SVEP1: variants seen among roughly 807,000 people sequenced by gnomAD.
The protein encoded by SVEP1 is sushi, von Willebrand factor type A, EGF and pentraxin domain-containing protein 1.
SVEP1 carries 164 observed loss-of-function variants against 367.3 expected under a neutral mutation model. The ratio of observed to expected loss-of-function variants is 0.45; its 90% CI spans 0.39 to 0.51. SVEP1 has a LOEUF of 0.51. SVEP1 is among the 20% of genes least tolerant of loss of function. The pLI is 0.00. For synonymous variants in SVEP1, 1,666 were observed against 1,611.6 expected, an observed-to-expected ratio of 1.03 and a Z score of -0.81; for missense variants, 4,117 against 4,425.3, an observed-to-expected ratio of 0.93 and a Z score of 1.98.
At chr9:110,388,585 T>C (rs1430500190) in intron 41 of SVEP1, among the ~76,000 whole-genome samples, 1 of 152,106 alleles carries the variant, frequency 6.6e-6, no homozygotes, top group Non-Finnish European at 1.5e-5. Flanking sequence ...CAGATGCTAA[T>C]GGACTTCTTT....
At position 110,429,204 on chromosome 9, in the gene SVEP1, A is replaced by G. The variant is rs758752619; in HGVS notation, c.5746T>C (p.Tyr1916His). Reference protein sequence around the residue: ...SSPENINNGKYILSGLTYLST... With the variant: ...SSPENINNGKHILSGLTYLST... ...AGGTAGGTAAGCCCACTCAAAATATATTTTCCATTATTTATATTTTCCGGA... is the reference window on the plus strand; with the variant it reads ...AGGTAGGTAAGCCCACTCAAAATATGTTTTCCATTATTTATATTTTCCGGA... The change falls in exon 35 of 48, where the codon TAT becomes CAT. Residue 1916 changes from tyrosine to histidine, a missense_variant. Physicochemically the swap from Tyr to His is moderately conservative, Grantham distance 83. This residue lies in a region of SVEP1 where 2,174 missense variants were observed against 2,494.3 expected (regional missense o/e 0.87). Transcript: ENST00000374469. 3 of 1,596,588 alleles carry G rather than the reference A, an allele frequency of 1.9e-6. No individual in the cohort carries two copies. The highest frequency in any genetic ancestry group is 2.6e-6 in the Non-Finnish European group (3 of 1,171,036).
At chr9:110,394,819 A>G (rs1431534552) in intron 40 of SVEP1, among the ~76,000 whole-genome samples, 2 of 152,172 alleles carry the variant, frequency 1.3e-5, no homozygotes, top group Non-Finnish European at 2.9e-5. Flanking sequence ...ATAAAAAGAA[A>G]TGAACAAAGC....
chr9:110,369,246 C>A (rs2118933880), intron 47 of SVEP1, among the ~76,000 whole-genome samples: 1 of 152,180 alleles, frequency 6.6e-6, no homozygotes, highest in South Asian at 2.1e-4. Flanking sequence ...TATAAATGAT[C>A]TTTTAAGTAT....
intron 27 of SVEP1, among the ~76,000 whole-genome samples, chr9:110,439,647 G>A (rs182805247): frequency 5.2e-4 from 79 of 151,968 alleles, no homozygotes; most frequent in Admixed American, 1.3e-3. Flanking sequence ...TGATCCACTT[G>A]TCTCAGCGTC....
At chr9:110,560,689 C>T (rs1830416741) in intron 1 of SVEP1, among the ~76,000 whole-genome samples, 2 of 152,122 alleles carry the variant, frequency 1.3e-5, no homozygotes, top group African/African-American at 4.8e-5. Context: ...CTCCTGTTTT[C>T]AAGATATATC....
chr9:110,483,511 T>C (rs1371050854), intron 10 of SVEP1, 75 bp downstream of exon 10: 4 of 969,582 alleles, frequency 4.1e-6, no homozygotes, highest in Middle Eastern at 2.2e-4. Context: ...TTCTCTTTTA[T>C]CCCATTAAAA....
intron 17 of SVEP1, among the ~76,000 whole-genome samples, chr9:110,467,707 C>T (rs1564151251): frequency 6.7e-6 from 1 of 150,302 alleles, no homozygotes; most frequent in Non-Finnish European, 1.5e-5. Flanking sequence ...GCGGTCATAG[C>T]TCACTGCAGC....
chr9:110,541,808 TATACATA>T (rs1830150307), intron 3 of SVEP1, among the ~76,000 whole-genome samples: 1 of 143,580 alleles, frequency 7.0e-6, no homozygotes, highest in Non-Finnish European at 1.5e-5. Flanking sequence ...TATATATCTA[TATACATA>T]GATATCTATA....
Position 110,387,912 on chromosome 9 carries a change from G to A in SVEP1, c.9887-454C>T, listed in dbSNP as rs182821789. Among the ~76,000 whole-genome samples, 725 of 152,154 alleles carry A rather than the reference G, an allele frequency of 4.8e-3. 3 individuals are homozygous for A. Among genetic ancestry groups the A allele is most frequent in the African/African-American group, 0.017 (686 of 41,506 alleles). ...ACATTTTTAGTATAAGCGTGTCTCC[G>A]ATATTGCATATTTATAAGTTTACAT... On this transcript the variant is annotated intron_variant, in intron 41 of 47. Coordinates refer to ENST00000374469, the MANE Select transcript of SVEP1 (RefSeq NM_153366.4).
At chr9:110,416,523 A>G (rs1218259784) in intron 36 of SVEP1, among the ~76,000 whole-genome samples, 4 of 151,986 alleles carry the variant, frequency 2.6e-5, no homozygotes, top group African/African-American at 4.8e-5. Context: ...AAATAGAATG[A>G]AAAGGCCCAA....
At chr9:110,572,818 G>GAAAAAAAAAAA (rs1830582297) in intron 1 of SVEP1, among the ~76,000 whole-genome samples, 1 of 109,728 alleles carries the variant, frequency 9.1e-6, no homozygotes, top group African/African-American at 3.5e-5. Context: ...AAAAAAAAAT[G>GAAAAAAAAAAA]AGTACTACTT....
intron 1 of SVEP1, among the ~76,000 whole-genome samples, chr9:110,553,589 C>T (rs1830318301): frequency 6.6e-6 from 1 of 152,144 alleles, no homozygotes; most frequent in Admixed American, 6.5e-5. Flanking sequence ...AAGGAGGTCA[C>T]TTTAACCCCT....
chr9:110,495,016 T>C (rs556052073), intron 8 of SVEP1, among the ~76,000 whole-genome samples: 1 of 152,332 alleles, frequency 6.6e-6, no homozygotes, highest in African/African-American at 2.4e-5. Context: ...GAATGAGTTT[T>C]TCAAAACTTC....
chr9:110,365,270 G>A lies in SVEP1; in HGVS notation c.*1269C>T, dbSNP rs1345354436. On this transcript the variant is annotated 3_prime_UTR_variant, in exon 48 of 48. Transcript: ENST00000374469. ...AGGTTTGGAAGTTAATGGACTATGA[G>A]TAAATTTATTGGAAAGTAGACTCAT... The A allele has an allele frequency of 6.6e-6, 1 of 152,102 alleles. No homozygotes were observed. The highest frequency in any genetic ancestry group is 1.5e-5 in the Non-Finnish European group (1 of 68,018). 9.4% of individuals were successfully genotyped at this position (152,102 alleles called of 1,614,324 possible). A position where few individuals can be genotyped will look rare whatever the true frequency, so the allele number is the denominator to read the frequency against.
chr9:110,481,122 T>G, intron 12 of SVEP1, 120 bp downstream of exon 12: 1 of 708,804 alleles, frequency 1.4e-6, no homozygotes, highest in South Asian at 4.3e-5. Flanking sequence ...CACAAACATT[T>G]CAAATTCATG....
In SVEP1 at chr9:110,567,718, C is replaced by G. The variant is rs554104252; in HGVS notation, c.531+11295G>C. Among the ~76,000 whole-genome samples the G allele has an allele frequency of 3.3e-5, 5 of 152,084 alleles. No individual in the cohort carries two copies. In the South Asian group the frequency reaches 1.0e-3, roughly 32 times the overall value. The stretch of plus-strand genomic sequence containing the variant: ...CTTCACCTGTGGAAATGTCACATAC[C>G]CTTGCTTGGCCAAAAGTTGATAGTG... On this transcript the variant is annotated intron_variant, in intron 1 of 47. Coordinates refer to ENST00000374469, the MANE Select transcript of SVEP1 (RefSeq NM_153366.4).
intron 9 of SVEP1, among the ~76,000 whole-genome samples, chr9:110,484,168 G>A (rs144827843): frequency 6.6e-6 from 1 of 152,316 alleles, no homozygotes; most frequent in Admixed American, 6.5e-5. Context: ...TCTGAGTTAT[G>A]TTGCAGAATA....
At chr9:110,578,913 G>T in intron 1 of SVEP1, 100 bp downstream of exon 1, 1 of 1,344,026 alleles carries the variant, frequency 7.4e-7, no homozygotes, top group Non-Finnish European at 1.0e-6. Context: ...GGGTGGTTAT[G>T]CCTTGCCCAG....
Position 110,427,762 on chromosome 9 carries a change from C to A in SVEP1, c.5808-4G>T, listed in dbSNP as rs755182631. Reference sequence around the variant, plus strand: ...AATAATGGAAGGGCCCTGTAAGCTGCGGGAAAGAATGATGTTACTCTTTCA... The same window carrying A: ...AATAATGGAAGGGCCCTGTAAGCTGAGGGAAAGAATGATGTTACTCTTTCA... On this transcript the variant is annotated splice_polypyrimidine_tract_variant and splice_region_variant and intron_variant, in intron 35 of 47. Coordinates refer to ENST00000374469, the MANE Select transcript of SVEP1 (RefSeq NM_153366.4). The A allele has an allele frequency of 5.6e-6, 9 of 1,606,108 alleles. No individual in the cohort carries two copies. Among genetic ancestry groups the A allele is most frequent in the African/African-American group, 2.7e-5 (2 of 74,586 alleles).
Sources: allele counts gnomAD v4.1 joint callset (sites outside exome capture counted in the v4.1 genomes callset), GRCh38; gene constraint gnomAD v4.1.1; regional missense constraint gnomAD v4.1.1; transcripts MANE v1.5; gene names NCBI Gene and HGNC (gene_info 2026-07-23, HGNC 2026-07-21).